ZBTB20: variants seen among roughly 807,000 people sequenced by gnomAD.
The protein encoded by ZBTB20 is zinc finger and BTB domain containing 20.
A neutral mutation model predicts 56.9 loss-of-function variants in ZBTB20; 9 were observed. The ratio of observed to expected loss-of-function variants is 0.16; its 90% CI spans 0.10 to 0.28. ZBTB20 has a LOEUF of 0.28. ZBTB20 is among the 10% of genes least tolerant of loss of function. The pLI, the probability that ZBTB20 is intolerant of heterozygous loss-of-function variation, is 1.00. For missense variants in ZBTB20, 655 were observed against 1,003.0 expected, an observed-to-expected ratio of 0.65 and a Z score of 4.69; for synonymous variants, 417 against 420.7, an observed-to-expected ratio of 0.99 and a Z score of 0.11.
At chr3:114,409,881 G>A (rs953561739) in intron 7 of ZBTB20, among the ~76,000 whole-genome samples, 1 of 152,110 alleles carries the variant, frequency 6.6e-6, no homozygotes, top group Admixed American at 6.6e-5. Context: ...GCATGTAAAA[G>A]AAACAGAAAG....
At chr3:114,753,419 A>ATATATATACACACG (rs2067753188) in intron 5 of ZBTB20, among the ~76,000 whole-genome samples, 1 of 141,722 alleles carries the variant, frequency 7.1e-6, no homozygotes, top group African/African-American at 2.7e-5. Flanking sequence ...ACACGTATAT[A>ATATATATACACACG]TATATATATA....
chr3:114,824,866 C>A (rs1175960511), intron 4 of ZBTB20, among the ~76,000 whole-genome samples: 2 of 151,822 alleles, frequency 1.3e-5, no homozygotes, highest in Non-Finnish European at 2.9e-5. Context: ...TTACTTAATG[C>A]AAAATATTTT....
chr3:114,790,137 A>G (rs114239375), intron 5 of ZBTB20, among the ~76,000 whole-genome samples: 4,826 of 152,248 alleles, frequency 0.032, 124 homozygotes, highest in African/African-American at 0.067. Context: ...AGAAGTTGCA[A>G]TACAAATGAA....
intron 7 of ZBTB20, among the ~76,000 whole-genome samples, chr3:114,444,129 A>G (rs779756454): frequency 6.6e-6 from 1 of 152,162 alleles, no homozygotes; most frequent in Non-Finnish European, 1.5e-5. Flanking sequence ...TGAATCATCA[A>G]TGTCTCATTA....
chr3:115,099,875 G>C (rs527297782), intron 1 of ZBTB20, among the ~76,000 whole-genome samples: 1 of 152,240 alleles, frequency 6.6e-6, no homozygotes, highest in Non-Finnish European at 1.5e-5. Context: ...TTTTAAAAGA[G>C]TGAAAGATTC....
intron 5 of ZBTB20, among the ~76,000 whole-genome samples, chr3:114,769,465 C>T (rs116026021): frequency 0.011 from 1,566 of 148,986 alleles, 28 homozygotes; most frequent in African/African-American, 0.036. Context: ...TCTATTTGCA[C>T]CTGGTAAATA....
At chr3:114,728,409 T>C (rs544178083) in intron 5 of ZBTB20, among the ~76,000 whole-genome samples, 61 of 152,298 alleles carry the variant, frequency 4.0e-4, no homozygotes, top group African/African-American at 1.4e-3. Flanking sequence ...AATATCCACA[T>C]TGGGTCAAAC....
intron 1 of ZBTB20, among the ~76,000 whole-genome samples, chr3:115,097,650 A>G (rs1445852374): frequency 1.3e-5 from 2 of 152,158 alleles, no homozygotes; most frequent in Non-Finnish European, 2.9e-5. Flanking sequence ...CTCCAACATT[A>G]AAATGAAACA....
intron 1 of ZBTB20, among the ~76,000 whole-genome samples, chr3:115,091,678 A>C (rs57894310): frequency 1.3e-5 from 2 of 148,478 alleles, no homozygotes; most frequent in African/African-American, 4.9e-5. Flanking sequence ...TGTGTATTTT[A>C]TATATATATA....
At chr3:114,535,927 G>T (rs536972707) in intron 6 of ZBTB20, among the ~76,000 whole-genome samples, 7 of 152,210 alleles carry the variant, frequency 4.6e-5, no homozygotes, top group Admixed American at 2.0e-4. Flanking sequence ...TGCAGAAAAG[G>T]CCTTTGATAA....
chr3:114,360,250 GTCTT>G (rs1178746656), intron 10 of ZBTB20, among the ~76,000 whole-genome samples: 1 of 151,858 alleles, frequency 6.6e-6, no homozygotes, highest in Non-Finnish European at 1.5e-5. Flanking sequence ...CTTCCCTTGG[GTCTT>G]TCTAACAAAT....
At chr3:114,964,202 G>A (rs958026105) in intron 3 of ZBTB20, among the ~76,000 whole-genome samples, 2 of 152,064 alleles carry the variant, frequency 1.3e-5, no homozygotes, top group South Asian at 2.1e-4. Context: ...ATCACCTGAG[G>A]TCGGGAGTTC....
At chr3:114,820,234 TA>T (rs1254055937) in intron 4 of ZBTB20, among the ~76,000 whole-genome samples, 3 of 151,984 alleles carry the variant, frequency 2.0e-5, no homozygotes, top group South Asian at 4.1e-4. Flanking sequence ...ATGAAGGAGT[TA>T]ATTAAAATTT....
intron 4 of ZBTB20, among the ~76,000 whole-genome samples, chr3:114,866,694 A>G (rs1018815203): frequency 2.0e-5 from 3 of 152,184 alleles, no homozygotes; most frequent in African/African-American, 7.2e-5. Context: ...CCTGCTTGAC[A>G]GCCTTTGAGC....
chr3:114,375,633 C>CT (rs2083527706), intron 10 of ZBTB20, among the ~76,000 whole-genome samples: 1 of 152,228 alleles, frequency 6.6e-6, no homozygotes, highest in South Asian at 2.1e-4. Flanking sequence ...ACCAGATGCT[C>CT]TAAGATGGCC....
chr3:114,606,254 A>G (rs927419055), intron 6 of ZBTB20, among the ~76,000 whole-genome samples: 20 of 152,110 alleles, frequency 1.3e-4, no homozygotes, highest in Non-Finnish European at 1.3e-4. Context: ...ATCAACTCTG[A>G]TTAGTGTTGT....
chr3:114,415,070 C>T (rs1432741349), intron 7 of ZBTB20, among the ~76,000 whole-genome samples: 1 of 151,950 alleles, frequency 6.6e-6, no homozygotes, highest in Non-Finnish European at 1.5e-5. Context: ...AATAGTGACT[C>T]TCACTGGCTA....
chr3:114,683,853 C>T (rs2062147363), intron 6 of ZBTB20, among the ~76,000 whole-genome samples: 1 of 152,004 alleles, frequency 6.6e-6, no homozygotes, highest in South Asian at 2.1e-4. Context: ...GACAGCACTG[C>T]CTGACATCTC....
intron 7 of ZBTB20, among the ~76,000 whole-genome samples, chr3:114,491,314 G>C (rs2042729976): frequency 6.6e-6 from 1 of 152,178 alleles, no homozygotes; most frequent in African/African-American, 2.4e-5. Flanking sequence ...CAACCCACCA[G>C]ACTCACCTGC....
Sources: allele counts gnomAD v4.1 joint callset (sites outside exome capture counted in the v4.1 genomes callset), GRCh38; gene constraint gnomAD v4.1.1; transcripts MANE v1.5; gene names NCBI Gene and HGNC (gene_info 2026-07-23, HGNC 2026-07-21).